FUOM: variants seen among roughly 807,000 people sequenced by gnomAD.
FUOM encodes protein fucU homolog.
In FUOM, 19 loss-of-function variants were observed where a neutral mutation model predicts 18.3. That is an observed-to-expected ratio of 1.04 (90% CI 0.73 to 1.53). The LOEUF (loss-of-function observed/expected upper bound fraction) is 1.53, where lower values mean the gene tolerates loss of function less well. Ranked by LOEUF, FUOM falls within the 40% of genes most tolerant of loss-of-function variation. The pLI, the probability that FUOM is intolerant of heterozygous loss-of-function variation, is 0.00. For synonymous variants in FUOM, 102 were observed against 87.9 expected, an observed-to-expected ratio of 1.16 and a Z score of -0.90; for missense variants, 210 against 200.9, an observed-to-expected ratio of 1.04 and a Z score of -0.27.
chr10:133,357,954 C>G lies in FUOM; in HGVS notation c.54G>C (p.Ala18=), dbSNP rs569026082. The G allele has an allele frequency of 1.3e-6, 2 of 1,525,794 alleles. No homozygotes were observed. The highest frequency in any genetic ancestry group is 2.6e-5 in the East Asian group (1 of 38,254). 94.5% of individuals were successfully genotyped at this position (1,525,794 alleles called of 1,614,324 possible). A position where few individuals can be genotyped will look rare whatever the true frequency, so the allele number is the denominator to read the frequency against. Residue 18 remains alanine (A), a synonymous_variant, in exon 1 of 6, where the codon GCG becomes GCC. Coordinates refer to ENST00000278025, the MANE Select transcript of FUOM (RefSeq NM_001098483.3). ...CGTCCCCGTGCCCCATCCGCGCCAG[C>G]GCGTAGAGCAGCTCGGGGGACAGCA... ...PALLSPELLY[A]LARMGHGDEI...
At chr10:133,353,412 C>A (rs59760846), downstream of FUOM, among the ~76,000 whole-genome samples, 11,216 of 152,252 alleles carry the variant, frequency 0.074, 945 homozygotes, top group African/African-American at 0.21. Context: ...GTGGCAGTCT[C>A]ATCCCTATGG....
rs1312414522 is a variant in FUOM, at chr10:133,357,955, G to A, written c.53C>T (p.Ala18Val). 1.2e-5 allele frequency: 18 copies of A among 1,526,350 alleles called. No homozygotes were observed. In the East Asian group the frequency reaches 4.4e-4, roughly 38 times the overall value. 94.6% of individuals were successfully genotyped at this position (1,526,350 alleles called of 1,614,324 possible). ...GTCCCCGTGCCCCATCCGCGCCAGC[G>A]CGTAGAGCAGCTCGGGGGACAGCAG... ...PALLSPELLY[A>V]LARMGHGDEI... is the part of the protein sequence containing the mutation. Residue 18 changes from alanine (A) to valine (V), a missense_variant, in exon 1 of 6, where the codon GCG (alanine) becomes GTG (valine). Transcript: ENST00000278025.
chr10:133,354,958 C>T (rs577459753), downstream of FUOM, among the ~76,000 whole-genome samples: 1 of 152,148 alleles, frequency 6.6e-6, no homozygotes, highest in Non-Finnish European at 1.5e-5. Context: ...GTCCCCACCC[C>T]TCTCAAGGCC....
intron 1 of FUOM, 24 bp from the exon 2 acceptor site, chr10:133,357,279 G>T (rs372504698): frequency 7.8e-5 from 122 of 1,558,990 alleles, no homozygotes; most frequent in Non-Finnish European, 1.0e-4. Context: ...AGGACAGCCC[G>T]TGTCGGCACC....
Position 133,356,653 on chromosome 10 carries a change from C to T in FUOM, c.311G>A (p.Arg104Lys). ...VWTEYESILRRAGCVRALAKI... is the reference protein window; with the variant it reads ...VWTEYESILRKAGCVRALAKI... ...CTGCAGGCTTACCACACAGCCGGCCCTGCGTAGGATGGACTCGTACTCCGT... is the reference window on the plus strand; with the variant it reads ...CTGCAGGCTTACCACACAGCCGGCCTTGCGTAGGATGGACTCGTACTCCGT... The change falls in exon 4 of 6, where the codon AGG (arginine) becomes AAG (lysine). Residue 104 changes from arginine to lysine, a missense_variant. By Grantham distance (26) the Arg-to-Lys change is conservative (BLOSUM62 2). Coordinates refer to ENST00000278025, the MANE Select transcript of FUOM (RefSeq NM_001098483.3). The T allele has an allele frequency of 2.5e-6, 4 of 1,583,006 alleles. No individual in the cohort carries two copies. The highest frequency in any genetic ancestry group is 3.4e-6 in the Non-Finnish European group (4 of 1,161,814).
rs1848818409 is a variant in FUOM at position 133,356,840 on chromosome 10, C to T, written c.226-102G>A. ...GTGAGGGTCAGGGCCCCTTTGGGGA[C>T]ACATGGCTTCCCCCCACTCCAAGGC... is the stretch of plus-strand genomic sequence containing the variant. On this transcript the variant is annotated intron_variant, in intron 3 of 5. Coordinates refer to ENST00000278025, the MANE Select transcript of FUOM (RefSeq NM_001098483.3). 6.2e-6 allele frequency: 9 copies of T among 1,443,556 alleles called. No individual in the cohort carries two copies. In the South Asian group the frequency reaches 1.0e-4, roughly 17 times the overall value. The allele number at this position is 1,443,556 out of a possible 1,614,324, so 89.4% of individuals were successfully genotyped here. A position where few individuals can be genotyped will look rare whatever the true frequency, so the allele number is the denominator to read the frequency against.
At position 133,355,399 on chromosome 10, in the gene FUOM, C is replaced by G. The variant is rs201940330; in HGVS notation, c.436G>C (p.Gly146Arg). The change falls in exon 6 of 6, where the codon GGG becomes CGG. Residue 146 changes from glycine (G) to arginine (R), a missense_variant. Physicochemically the swap from Gly to Arg is moderately radical, Grantham distance 125 (BLOSUM62 -2). Coordinates refer to ENST00000278025, the MANE Select transcript of FUOM (RefSeq NM_001098483.3). ...AGCAGGGGGTTGAGGGCAAGCACCC[C>G]CTTCCTGAGGATGAGGTTTCCGTAG... ...ALYGNLILRK[G>R]VLALNPLL The G allele has an allele frequency of 2.0e-4, 329 of 1,609,064 alleles. No homozygotes were observed. The highest frequency in any genetic ancestry group is 9.3e-4 in the African/African-American group (70 of 74,958).
intron 5 of FUOM, 146 bp from the exon 6 acceptor site, chr10:133,355,582 TCCTC>T: frequency 1.9e-6 from 3 of 1,596,420 alleles, no homozygotes; most frequent in Non-Finnish European, 2.6e-6. Context: ...CCCCCGAAAT[TCCTC>T]CCTGGTCTCT....
chr10:133,356,339 C>T (rs1848795806), intron 4 of FUOM, among the ~76,000 whole-genome samples: 1 of 152,236 alleles, frequency 6.6e-6, no homozygotes, highest in Admixed American at 6.5e-5. Flanking sequence ...GGCCAGGCAT[C>T]CTGAGTCCCC....
chr10:133,357,774 G>A (rs1255441180), intron 1 of FUOM, 149 bp downstream of exon 1: 4 of 577,074 alleles, frequency 6.9e-6, no homozygotes, highest in Non-Finnish European at 1.2e-5. Flanking sequence ...AGAATGCGGG[G>A]GAGGGGGCTT....
intron 1 of FUOM, chr10:133,357,540 G>A (rs888303146): frequency 3.9e-6 from 2 of 519,236 alleles, no homozygotes; most frequent in East Asian, 3.5e-5. Context: ...ACCCGGACCC[G>A]GCCGCCTCCC....
intron 3 of FUOM, 40 bp from the exon 4 acceptor site, chr10:133,356,778 A>G: frequency 6.7e-7 from 1 of 1,502,044 alleles, no homozygotes; most frequent in Non-Finnish European, 9.0e-7. Context: ...GGGCACTGCC[A>G]GCCTTCCTGG....
intron 1 of FUOM, 53 bp downstream of exon 1, chr10:133,357,870 G>T: frequency 4.9e-6 from 7 of 1,439,744 alleles, no homozygotes; most frequent in Non-Finnish European, 5.6e-6. Context: ...TGCAAGCCTC[G>T]CCCTCCTGCC....
In FUOM at chr10:133,357,954, C is replaced by A; in HGVS notation, c.54G>T (p.Ala18=). ...PALLSPELLY[A]LARMGHGDEI... is the part of the protein sequence containing the mutation. ...CGTCCCCGTGCCCCATCCGCGCCAG[C>A]GCGTAGAGCAGCTCGGGGGACAGCA... is the stretch of plus-strand genomic sequence containing the variant. The change falls in exon 1 of 6, where the codon GCG becomes GCT. Residue 18 remains alanine (A), a synonymous_variant. Coordinates refer to ENST00000278025, the MANE Select transcript of FUOM (RefSeq NM_001098483.3). 6.6e-7 allele frequency: 1 copy of A among 1,525,794 alleles called. No homozygotes were observed. The highest frequency in any genetic ancestry group is 8.8e-7 in the Non-Finnish European group (1 of 1,140,284). The allele number at this position is 1,525,794 out of a possible 1,614,324, so 94.5% of individuals were successfully genotyped here.
At chr10:133,355,836 G>T in intron 4 of FUOM, 25 bp from the exon 5 acceptor site, 2 of 1,594,612 alleles carry the variant, frequency 1.3e-6, no homozygotes, top group South Asian at 2.2e-5. Context: ...GGCAGGGTTG[G>T]AGGGAACCCT....
chr10:133,356,935 G>A lies in FUOM; in HGVS notation c.225+8C>T. The A allele has an allele frequency of 3.2e-6, 5 of 1,550,022 alleles. No homozygotes were observed. The highest frequency in any genetic ancestry group is 3.5e-6 in the Non-Finnish European group (4 of 1,146,708). ...AGCAGCAGGGTGCAGGGGCGACTCA[G>A]CCCTCACCGGACTCTCCACATAGGT... On this transcript the variant is annotated splice_region_variant and intron_variant, in intron 3 of 5. Coordinates refer to ENST00000278025, the MANE Select transcript of FUOM (RefSeq NM_001098483.3).
intron 4 of FUOM, 101 bp from the exon 5 acceptor site, chr10:133,355,912 G>C: frequency 1.0e-6 from 1 of 979,112 alleles, no homozygotes; most frequent in South Asian, 1.3e-5. Context: ...GCACCAGGAA[G>C]TGGGGTTCCA....
Position 133,357,910 on chromosome 10 carries a change from C to T in FUOM, c.85+13G>A. 1 of 1,521,112 alleles carries T rather than the reference C, an allele frequency of 6.6e-7. No homozygotes were observed. Among genetic ancestry groups the T allele is most frequent in the Non-Finnish European group, 8.8e-7 (1 of 1,138,506 alleles). The allele number at this position is 1,521,112 out of a possible 1,614,324, so 94.2% of individuals were successfully genotyped here. A position where few individuals can be genotyped will look rare whatever the true frequency, so the allele number is the denominator to read the frequency against. On this transcript the variant is annotated intron_variant, in intron 1 of 5. Coordinates refer to ENST00000278025, the MANE Select transcript of FUOM (RefSeq NM_001098483.3). ...CCGGGGTGCTCCCCGAGGCCCCGGC[C>T]CGCTGCGCTCACCGATCTCGTCCCC...
chr10:133,357,857 C>A lies in FUOM; in HGVS notation c.85+66G>T, dbSNP rs1402175358. 2.9e-6 allele frequency: 4 copies of A among 1,386,744 alleles called. No homozygotes were observed. The African/African-American group carries it at 4.5e-5, about 16-fold the overall frequency. The allele number at this position is 1,386,744 out of a possible 1,614,324, so 85.9% of individuals were successfully genotyped here. A position where few individuals can be genotyped will look rare whatever the true frequency, so the allele number is the denominator to read the frequency against. ...GCGGCCCTTCCCGGCCCGGGGGTCC[C>A]CGTGCAAGCCTCGCCCTCCTGCCTG... On this transcript the variant is annotated intron_variant, in intron 1 of 5. Coordinates refer to ENST00000278025, the MANE Select transcript of FUOM (RefSeq NM_001098483.3).
Sources: gnomAD v4.1 joint callset for allele counts (sites outside exome capture counted in the v4.1 genomes callset) on GRCh38, gnomAD v4.1.1 for gene constraint, MANE v1.5 for transcripts, NCBI Gene and HGNC (gene_info 2026-07-23, HGNC 2026-07-21) for gene names.